Variants in CCDC170 observed in about 807,000 individuals in gnomAD.
CCDC170 encodes coiled-coil domain containing 170, also known as coiled-coil domain-containing protein 170.
Under a neutral mutation model 72.6 loss-of-function variants are expected in CCDC170, and 69 were observed. The observed-to-expected ratio is 0.95, with a 90% confidence interval of 0.78 to 1.16. The LOEUF (loss-of-function observed/expected upper bound fraction) is 1.16. Among genes scored for constraint, CCDC170 ranks in the 50% most tolerant of loss-of-function variants. The pLI is 0.00. For synonymous variants in CCDC170, 300 were observed against 303.9 expected (o/e 0.99, Z 0.13); for missense variants, 852 against 832.5 (o/e 1.02, Z -0.29).
chr6:151,515,370 C>T (rs1179130857), intron 1 of CCDC170, among the ~76,000 whole-genome samples: 1 of 152,240 alleles, frequency 6.6e-6, no homozygotes, highest in Non-Finnish European at 1.5e-5. Flanking sequence ...GCAACCTCTG[C>T]CTCCCAGGTT....
Position 151,617,966 on chromosome 6 carries a change from T to C in CCDC170, c.1967T>C (p.Val656Ala), listed in dbSNP as rs375673264. Residue 656 changes from valine to alanine, a missense_variant, in exon 11 of 11, where the codon GTG becomes GCG. Physicochemically the swap from Val to Ala is moderately conservative, Grantham distance 64. Coordinates refer to ENST00000239374, the MANE Select transcript of CCDC170 (RefSeq NM_025059.4). ...TTGCAGCTGGCAGACTTCAGGGAGG[T>C]GGTGTCGCAGATGCTAGGCTTGAAC... Reference protein sequence around the residue: ...REKQLADFREVVSQMLGLNVT... With the variant: ...REKQLADFREAVSQMLGLNVT... The C allele has an allele frequency of 4.1e-4, 656 of 1,613,348 alleles. 7 individuals carry two copies. In the South Asian group the frequency reaches 6.7e-3, roughly 17 times the overall value.
chr6:151,555,994 T>C (rs530712324), intron 5 of CCDC170, among the ~76,000 whole-genome samples: 1 of 152,318 alleles, frequency 6.6e-6, no homozygotes, highest in South Asian at 2.1e-4. Flanking sequence ...GCCTGTAATG[T>C]CAACACTTTG....
At chr6:151,556,911 A>G (rs1311934799) in intron 5 of CCDC170, among the ~76,000 whole-genome samples, 1 of 152,120 alleles carries the variant, frequency 6.6e-6, no homozygotes, top group Non-Finnish European at 1.5e-5. Context: ...CAGCCTCTGG[A>G]ATCTATTTTT....
chr6:151,509,023 A>C (rs1782104630), intron 1 of CCDC170, among the ~76,000 whole-genome samples: 1 of 151,838 alleles, frequency 6.6e-6, no homozygotes, highest in African/African-American at 2.4e-5. Flanking sequence ...CTCAAAAAAA[A>C]AAAAAAAAAA....
intron 1 of CCDC170, among the ~76,000 whole-genome samples, chr6:151,530,880 T>G (rs1055533021): frequency 1.3e-5 from 2 of 152,202 alleles, no homozygotes; most frequent in Admixed American, 1.3e-4. Context: ...TAATTGTTAG[T>G]TCTTCTATAG....
chr6:151,554,463 G>A (rs1782941289), intron 5 of CCDC170, among the ~76,000 whole-genome samples: 1 of 152,144 alleles, frequency 6.6e-6, no homozygotes, highest in African/African-American at 2.4e-5. Flanking sequence ...AGTGGCTCAA[G>A]CTTGTAATCC....
chr6:151,510,405 A>G (rs1782131277), intron 1 of CCDC170, among the ~76,000 whole-genome samples: 1 of 152,238 alleles, frequency 6.6e-6, no homozygotes, highest in Non-Finnish European at 1.5e-5. Flanking sequence ...GAAAAAGGCA[A>G]AACAAAGCAT....
chr6:151,524,603 C>CT (rs1468823870), intron 1 of CCDC170, among the ~76,000 whole-genome samples: 1 of 152,196 alleles, frequency 6.6e-6, no homozygotes, highest in African/African-American at 2.4e-5. Flanking sequence ...ATTATAGTCA[C>CT]TTTTTCTTTA....
At chr6:151,571,391 T>C (rs1421386048) in intron 5 of CCDC170, among the ~76,000 whole-genome samples, 1 of 152,152 alleles carries the variant, frequency 6.6e-6, no homozygotes, top group Non-Finnish European at 1.5e-5. Flanking sequence ...GCTTAATATT[T>C]CTTAATGTGA....
Position 151,593,251 on chromosome 6 carries a change from A to C in CCDC170, c.1438A>C (p.Lys480Gln), listed in dbSNP as rs774292326. 1 of 1,614,112 alleles carries C rather than the reference A, an allele frequency of 6.2e-7. No individual in the cohort carries two copies. The highest frequency in any genetic ancestry group is 8.5e-7 in the Non-Finnish European group (1 of 1,179,950). ...TGAGAGCAATGCAGTCATTGAGAACAAGACCATTGCCCACAATTTGCAGAG... is the reference window on the plus strand; with the variant it reads ...TGAGAGCAATGCAGTCATTGAGAACCAGACCATTGCCCACAATTTGCAGAG... ...RLESNAVIEN[K>Q]TIAHNLQRKL... Residue 480 changes from lysine to glutamine, a missense_variant, in exon 8 of 11, where the codon AAG (lysine) becomes CAG (glutamine). Lys to Gln is a moderately conservative substitution (Grantham distance 53, BLOSUM62 1). Coordinates refer to ENST00000239374, the MANE Select transcript of CCDC170 (RefSeq NM_025059.4).
chr6:151,619,826 C>T lies in CCDC170; in HGVS notation c.*1679C>T, dbSNP rs1777031186. ...CAGAGAGAGACCTTGTCTCAAAAAA[C>T]AACAACAACAAAAAGTCAAAGTCAT... On this transcript the variant is annotated 3_prime_UTR_variant, in exon 11 of 11. Coordinates refer to ENST00000239374, the MANE Select transcript of CCDC170 (RefSeq NM_025059.4). 1 of 152,112 alleles carries T rather than the reference C, an allele frequency of 6.6e-6. No homozygotes were observed. The highest frequency in any genetic ancestry group is 2.1e-4 in the South Asian group (1 of 4,828). The allele number at this position is 152,112 out of a possible 1,614,324, so 9.4% of individuals were successfully genotyped here.
At chr6:151,607,367 C>A (rs1396397541) in intron 9 of CCDC170, among the ~76,000 whole-genome samples, 1 of 151,212 alleles carries the variant, frequency 6.6e-6, no homozygotes, top group Non-Finnish European at 1.5e-5. Flanking sequence ...TCCTTTTTTC[C>A]TCTCTTATTG....
intron 1 of CCDC170, among the ~76,000 whole-genome samples, chr6:151,520,333 A>G (rs1371840091): frequency 6.6e-6 from 1 of 152,242 alleles, no homozygotes; most frequent in East Asian, 1.9e-4. Flanking sequence ...AGATGTACAG[A>G]CACAGGACCC....
intron 3 of CCDC170, among the ~76,000 whole-genome samples, chr6:151,541,884 ATAT>A (rs1247357120): frequency 1.9e-4 from 6 of 32,060 alleles, no homozygotes; most frequent in Admixed American, 1.1e-3. Flanking sequence ...ATATATATAT[ATAT>A]TTTTTTTTTT....
Position 151,619,823 on chromosome 6 carries a change from A to C in CCDC170, c.*1676A>C, listed in dbSNP as rs938849078. 3 of 152,230 alleles carry C rather than the reference A, an allele frequency of 2.0e-5. No individual in the cohort carries two copies. Among genetic ancestry groups the C allele is most frequent in the Admixed American group, 1.3e-4 (2 of 15,288 alleles). 9.4% of individuals were successfully genotyped at this position (152,230 alleles called of 1,614,324 possible). The stretch of plus-strand genomic sequence containing the variant: ...CAACAGAGAGAGACCTTGTCTCAAA[A>C]AACAACAACAACAAAAAGTCAAAGT... On this transcript the variant is annotated 3_prime_UTR_variant, in exon 11 of 11. Transcript: ENST00000239374.
At chr6:151,524,490 A>G (rs981576972) in intron 1 of CCDC170, among the ~76,000 whole-genome samples, 1 of 152,234 alleles carries the variant, frequency 6.6e-6, no homozygotes, top group African/African-American at 2.4e-5. Context: ...AGGCTGCAAT[A>G]TATGAATATT....
At chr6:151,579,260 G>A (rs538617828) in intron 6 of CCDC170, among the ~76,000 whole-genome samples, 1 of 152,296 alleles carries the variant, frequency 6.6e-6, no homozygotes, top group South Asian at 2.1e-4. Context: ...CAAGTTTACG[G>A]TTTTGGTGGA....
At chr6:151,524,464 G>A (rs1782372174) in intron 1 of CCDC170, among the ~76,000 whole-genome samples, 1 of 152,210 alleles carries the variant, frequency 6.6e-6, no homozygotes, top group Non-Finnish European at 1.5e-5. Context: ...TTCACAAACA[G>A]TTTTCAGATT....
At chr6:151,538,012 T>A (rs1256714641) in intron 2 of CCDC170, 33 bp from the exon 3 acceptor site, 3 of 350,136 alleles carry the variant, frequency 8.6e-6, no homozygotes, top group Non-Finnish European at 8.2e-6. Flanking sequence ...GTTGTTAAGG[T>A]TTTTTTTTTT....
Sources: allele counts gnomAD v4.1 joint callset (sites outside exome capture counted in the v4.1 genomes callset), GRCh38; gene constraint gnomAD v4.1.1; transcripts MANE v1.5; gene names NCBI Gene and HGNC (gene_info 2026-07-23, HGNC 2026-07-21).